Variants in CACNA2D1 observed in about 807,000 individuals in gnomAD.
The protein encoded by CACNA2D1 is calcium voltage-gated channel auxiliary subunit alpha2delta 1, also known as voltage-dependent calcium channel subunit alpha-2/delta-1.
In CACNA2D1, 53 loss-of-function variants were observed where a neutral mutation model predicts 171.5. That is an observed-to-expected ratio of 0.31 (90% CI 0.25 to 0.39). The LOEUF (loss-of-function observed/expected upper bound fraction) is 0.39. Among genes scored for constraint, CACNA2D1 ranks in the 10% least tolerant of loss-of-function variants. The pLI is 1.00. For missense variants in CACNA2D1, 903 were observed against 1,299.8 expected, an observed-to-expected ratio of 0.69 and a Z score of 4.69; for synonymous variants, 442 against 443.1, an observed-to-expected ratio of 1.00 and a Z score of 0.03.
chr7:82,123,231 TCC>T (rs574017831), intron 5 of CACNA2D1, among the ~76,000 whole-genome samples: 1 of 152,060 alleles, frequency 6.6e-6, no homozygotes, highest in Non-Finnish European at 1.5e-5. Context: ...TTATAGTTTC[TCC>T]CCCCAGTGAT....
chr7:81,997,850 T>C (rs953983964), intron 18 of CACNA2D1, among the ~76,000 whole-genome samples: 4 of 152,012 alleles, frequency 2.6e-5, no homozygotes, highest in African/African-American at 7.2e-5. Flanking sequence ...ATGTATAAGA[T>C]AAATTTTGTG....
intron 5 of CACNA2D1, among the ~76,000 whole-genome samples, chr7:82,121,127 T>C (rs1419460177): frequency 6.6e-6 from 1 of 152,098 alleles, no homozygotes; most frequent in African/African-American, 2.4e-5. Flanking sequence ...GGCACAATCA[T>C]GGCTCACTAC....
At chr7:82,086,718 T>C (rs1810523543) in intron 6 of CACNA2D1, among the ~76,000 whole-genome samples, 1 of 152,184 alleles carries the variant, frequency 6.6e-6, no homozygotes, top group African/African-American at 2.4e-5. Context: ...CAATCTATTC[T>C]ATCTCTTTAA....
At chr7:82,381,723 A>C (rs891719605) in intron 1 of CACNA2D1, among the ~76,000 whole-genome samples, 4 of 152,154 alleles carry the variant, frequency 2.6e-5, no homozygotes, top group Non-Finnish European at 5.9e-5. Flanking sequence ...CAATTAGTAC[A>C]CTATTTCCAT....
At chr7:82,131,471 TTGAGTACTGCC>T (rs1461350500) in intron 5 of CACNA2D1, among the ~76,000 whole-genome samples, 1 of 152,222 alleles carries the variant, frequency 6.6e-6, no homozygotes, top group East Asian at 1.9e-4. Flanking sequence ...TGTCCTAATT[TTGAGTACTGCC>T]TGATTCATGA....
intron 3 of CACNA2D1, among the ~76,000 whole-genome samples, chr7:82,304,511 C>G (rs1813463002): frequency 6.6e-6 from 1 of 152,006 alleles, no homozygotes; most frequent in Admixed American, 6.6e-5. Flanking sequence ...TAATGGAATA[C>G]TATTGGGCCA....
intron 3 of CACNA2D1, among the ~76,000 whole-genome samples, chr7:82,282,908 G>A (rs944989318): frequency 1.3e-5 from 2 of 152,060 alleles, no homozygotes; most frequent in African/African-American, 2.4e-5. Flanking sequence ...AAATTTAAAC[G>A]CTGCAATTCG....
chr7:82,068,897 TAAGGA>T (rs1807983752), intron 7 of CACNA2D1, among the ~76,000 whole-genome samples: 2 of 152,108 alleles, frequency 1.3e-5, no homozygotes, highest in Admixed American at 6.6e-5. Context: ...TGTATATCTT[TAAGGA>T]AAGAAAAAAG....
intron 6 of CACNA2D1, among the ~76,000 whole-genome samples, chr7:82,115,857 G>A (rs940505382): frequency 6.6e-6 from 1 of 151,970 alleles, no homozygotes; most frequent in Admixed American, 6.6e-5. Context: ...TATGAGCCTG[G>A]CACTATTATG....
chr7:82,277,765 A>G (rs1315682968), intron 3 of CACNA2D1, among the ~76,000 whole-genome samples: 1 of 72,740 alleles, frequency 1.4e-5, no homozygotes, highest in South Asian at 3.6e-4. Flanking sequence ...TTTTTTTTTG[A>G]GATGGAGTCT....
chr7:82,291,694 G>T (rs1173585720), intron 3 of CACNA2D1, among the ~76,000 whole-genome samples: 3 of 145,548 alleles, frequency 2.1e-5, no homozygotes, highest in African/African-American at 7.6e-5. Context: ...TTGTAGAGAC[G>T]TGGTCTCACT....
intron 3 of CACNA2D1, among the ~76,000 whole-genome samples, chr7:82,237,513 C>T (rs1489381981): frequency 6.6e-6 from 1 of 151,808 alleles, no homozygotes; most frequent in Non-Finnish European, 1.5e-5. Flanking sequence ...TTGTCTCAAA[C>T]CTTATTCGTT....
intron 6 of CACNA2D1, among the ~76,000 whole-genome samples, chr7:82,089,241 A>T (rs1810845340): frequency 6.6e-6 from 1 of 152,156 alleles, no homozygotes; most frequent in Non-Finnish European, 1.5e-5. Context: ...ATGAGTGTTC[A>T]ATATTTTTTC....
chr7:82,158,473 G>A (rs141935035), intron 4 of CACNA2D1, among the ~76,000 whole-genome samples: 2 of 29,104 alleles, frequency 6.9e-5, no homozygotes, highest in Non-Finnish European at 1.4e-4. Context: ...TGGAAACCAA[G>A]TTAAAAAAAA....
intron 12 of CACNA2D1, among the ~76,000 whole-genome samples, chr7:82,016,608 CCG>C (rs57592718): frequency 0.024 from 86 of 3,656 alleles, 1 homozygote; most frequent in African/African-American, 0.046. Context: ...CACTAGCCGC[CCG>C]CCCCCCCCCC....
intron 4 of CACNA2D1, among the ~76,000 whole-genome samples, chr7:82,163,966 T>A (rs961107291): frequency 2.0e-5 from 3 of 151,510 alleles, no homozygotes; most frequent in Non-Finnish European, 2.9e-5. Context: ...GAGCCAAGAG[T>A]TTTTAGATTA....
At chr7:82,157,036 A>T (rs934406134) in intron 4 of CACNA2D1, among the ~76,000 whole-genome samples, 29 of 152,156 alleles carry the variant, frequency 1.9e-4, no homozygotes, top group Admixed American at 6.6e-5. Context: ...ATACGGCTCC[A>T]TGGCTCTCTC....
At chr7:82,152,934 T>C (rs748402341) in intron 4 of CACNA2D1, among the ~76,000 whole-genome samples, 1 of 151,802 alleles carries the variant, frequency 6.6e-6, no homozygotes, top group Non-Finnish European at 1.5e-5. Context: ...ATTGGTAATT[T>C]AGTAATTTAT....
At chr7:82,296,194 G>T (rs1169301579) in intron 3 of CACNA2D1, among the ~76,000 whole-genome samples, 1 of 151,564 alleles carries the variant, frequency 6.6e-6, no homozygotes, top group East Asian at 2.0e-4. Context: ...CACCAGCATG[G>T]CACATGTATA....
Sources: gnomAD v4.1 joint callset for allele counts (sites outside exome capture counted in the v4.1 genomes callset) on GRCh38, gnomAD v4.1.1 for gene constraint, MANE v1.5 for transcripts, NCBI Gene and HGNC (gene_info 2026-07-23, HGNC 2026-07-21) for gene names.